The following ST6GALNAC3 variants were observed in gnomAD, a reference collection of about 807,000 sequenced individuals.
The protein encoded by ST6GALNAC3 is ST6 N-acetylgalactosaminide alpha-2,6-sialyltransferase 3.
Under a neutral mutation model 32.7 loss-of-function variants are expected in ST6GALNAC3, and 25 were observed. The ratio of observed to expected loss-of-function variants is 0.76; its 90% CI spans 0.56 to 1.07. The LOEUF is 1.07. Among genes scored for constraint, ST6GALNAC3 ranks in the 50% least tolerant of loss-of-function variants. The pLI, the probability that ST6GALNAC3 is intolerant of heterozygous loss-of-function variation, is 0.00. For synonymous variants in ST6GALNAC3, 129 were observed against 133.1 expected (o/e 0.97, Z 0.21); for missense variants, 355 against 382.4 (o/e 0.93, Z 0.60).
chr1:76,104,568 C>T (rs2100784115), intron 1 of ST6GALNAC3, among the ~76,000 whole-genome samples: 1 of 148,412 alleles, frequency 6.7e-6, no homozygotes, highest in African/African-American at 2.5e-5. Context: ...ATGCCAGCTT[C>T]TTTTGTCCAG....
intron 3 of ST6GALNAC3, among the ~76,000 whole-genome samples, chr1:76,564,909 T>G (rs897504559): frequency 2.0e-5 from 3 of 152,124 alleles, no homozygotes; most frequent in Non-Finnish European, 4.4e-5. Flanking sequence ...TTTGATGAAT[T>G]TTTACCTTCC....
At chr1:76,486,363 C>T (rs1417252849) in intron 3 of ST6GALNAC3, among the ~76,000 whole-genome samples, 1 of 152,050 alleles carries the variant, frequency 6.6e-6, no homozygotes, top group Non-Finnish European at 1.5e-5. Flanking sequence ...GAGTCTAAGT[C>T]TCTTTGTAGG....
At chr1:76,190,019 CT>C (rs1653803512) in intron 1 of ST6GALNAC3, among the ~76,000 whole-genome samples, 1 of 152,014 alleles carries the variant, frequency 6.6e-6, no homozygotes, top group African/African-American at 2.4e-5. Flanking sequence ...ATACTGTTTT[CT>C]TTATAAGAAT....
chr1:76,226,353 G>GCAA (rs1353364455), intron 1 of ST6GALNAC3, among the ~76,000 whole-genome samples: 1 of 152,180 alleles, frequency 6.6e-6, no homozygotes, highest in Non-Finnish European at 1.5e-5. Flanking sequence ...CTCTCCAAGG[G>GCAA]AGCCTTCATG....
chr1:76,496,254 TTTACAGAG>T (rs2101710335), intron 3 of ST6GALNAC3, among the ~76,000 whole-genome samples: 1 of 152,224 alleles, frequency 6.6e-6, no homozygotes, highest in Admixed American at 6.5e-5. Flanking sequence ...CCAGGTCTCA[TTTACAGAG>T]TAGTAGCTGC....
At chr1:76,320,987 A>G (rs970771610) in intron 2 of ST6GALNAC3, among the ~76,000 whole-genome samples, 3 of 148,358 alleles carry the variant, frequency 2.0e-5, no homozygotes, top group Non-Finnish European at 4.5e-5. Flanking sequence ...CACACACATT[A>G]TATATATATA....
rs572256484 is a variant in ST6GALNAC3, at chr1:76,480,383, G to A, written c.623+67966G>A. ...TTGAGATTGGACATAAACCTTATAC[G>A]TGCAACTTTCCTTATCTGATTTTAA... On this transcript the variant is annotated intron_variant, in intron 3 of 4. Transcript: ENST00000328299. Among the ~76,000 whole-genome samples the A allele has an allele frequency of 5.3e-5, 8 of 152,170 alleles. No individual in the cohort carries two copies. The East Asian group carries it at 9.7e-4, about 18-fold the overall frequency.
Position 76,079,528 on chromosome 1 carries a change from C to T in ST6GALNAC3, c.18+4644C>T, listed in dbSNP as rs923673973. 2.0e-5 allele frequency among the ~76,000 whole-genome samples: 3 copies of T among 152,094 alleles called. No individual in the cohort carries two copies. In the East Asian group the frequency reaches 5.8e-4, roughly 29 times the overall value. ...ACAAGATCCTTGAGAATCATTTCTG[C>T]CTTCGAGAAGATTATGGTTTTGCCA... On this transcript the variant is annotated intron_variant, in intron 1 of 4. Transcript: ENST00000328299.
At chr1:76,336,866 C>T (rs368361495) in intron 2 of ST6GALNAC3, among the ~76,000 whole-genome samples, 1 of 152,210 alleles carries the variant, frequency 6.6e-6, no homozygotes, top group Admixed American at 6.5e-5. Flanking sequence ...AAATCCACAT[C>T]GCCTGCCATC....
At chr1:76,440,859 G>T (rs922394230) in intron 3 of ST6GALNAC3, among the ~76,000 whole-genome samples, 1 of 152,102 alleles carries the variant, frequency 6.6e-6, no homozygotes, top group Non-Finnish European at 1.5e-5. Flanking sequence ...AGGCCAAGGT[G>T]TGTGGATCAC....
intron 2 of ST6GALNAC3, among the ~76,000 whole-genome samples, chr1:76,354,418 A>G (rs1649272800): frequency 6.6e-6 from 1 of 152,162 alleles, no homozygotes; most frequent in Admixed American, 6.5e-5. Flanking sequence ...TTCACAATGC[A>G]CATGTTCTCA....
In ST6GALNAC3 at chr1:76,431,833, C is replaced by A. The variant is rs192992881; in HGVS notation, c.623+19416C>A. Among the ~76,000 whole-genome samples the A allele has an allele frequency of 2.5e-3, 376 of 152,264 alleles. 1 individual carries two copies. The highest frequency in any genetic ancestry group is 8.0e-3 in the African/African-American group (333 of 41,562). ...AACTGATGAACCTGCAGTGACACAT[C>A]ATTATCCCCCAGAGTCCACAGCTTA... On this transcript the variant is annotated intron_variant, in intron 3 of 4. Transcript: ENST00000328299.
chr1:76,262,561 G>A (rs1197216289), intron 1 of ST6GALNAC3, among the ~76,000 whole-genome samples: 2 of 152,188 alleles, frequency 1.3e-5, no homozygotes, highest in Non-Finnish European at 2.9e-5. Flanking sequence ...ATATTCAAGA[G>A]GCTGGTCTGG....
chr1:76,512,447 CT>C (rs1180568199), intron 3 of ST6GALNAC3, among the ~76,000 whole-genome samples: 3 of 151,894 alleles, frequency 2.0e-5, no homozygotes, highest in African/African-American at 7.3e-5. Flanking sequence ...ACTTCTAAAA[CT>C]TTTTTATTGA....
At chr1:76,619,567 A>C (rs1409930806) in intron 3 of ST6GALNAC3, among the ~76,000 whole-genome samples, 1 of 152,168 alleles carries the variant, frequency 6.6e-6, no homozygotes, top group African/African-American at 2.4e-5. Flanking sequence ...TAATTCTGTC[A>C]ATTTTCTTCT....
chr1:76,588,765 G>T (rs1223727832), intron 3 of ST6GALNAC3, among the ~76,000 whole-genome samples: 1 of 152,180 alleles, frequency 6.6e-6, no homozygotes, highest in African/African-American at 2.4e-5. Flanking sequence ...GTCTTCTGTG[G>T]CTCCACTCCC....
chr1:76,281,470 G>T (rs1216164564), intron 1 of ST6GALNAC3, among the ~76,000 whole-genome samples: 1 of 152,184 alleles, frequency 6.6e-6, no homozygotes, highest in Non-Finnish European at 1.5e-5. Context: ...GGAGTGTGTG[G>T]GTAGCTCCTC....
intron 1 of ST6GALNAC3, among the ~76,000 whole-genome samples, chr1:76,233,934 C>A (rs1029398028): frequency 2.7e-5 from 4 of 149,424 alleles, no homozygotes; most frequent in African/African-American, 1.0e-4. Context: ...TGTGGGGGAG[C>A]AATTAGAAAA....
intron 3 of ST6GALNAC3, among the ~76,000 whole-genome samples, chr1:76,604,883 G>C (rs1647422007): frequency 6.6e-6 from 1 of 152,080 alleles, no homozygotes; most frequent in Non-Finnish European, 1.5e-5. Context: ...AGTGTTCCTT[G>C]GCTTGAGGAT....
Sources: gnomAD v4.1 joint callset for allele counts (sites outside exome capture counted in the v4.1 genomes callset) on GRCh38, gnomAD v4.1.1 for gene constraint, MANE v1.5 for transcripts, NCBI Gene and HGNC (gene_info 2026-07-23, HGNC 2026-07-21) for gene names.